Variants in RAI14 observed in about 807,000 individuals in gnomAD.
RAI14 encodes the protein ankycorbin.
RAI14 carries 45 observed loss-of-function variants against 115.4 expected under a neutral mutation model. That is an observed-to-expected ratio of 0.39 (90% confidence interval 0.31 to 0.50). The LOEUF is 0.50. RAI14 is among the 20% of genes least tolerant of loss of function. The pLI is 0.85. For synonymous variants in RAI14, 371 were observed against 415.4 expected, an observed-to-expected ratio of 0.89 and a Z score of 1.30; for missense variants, 939 against 1,131.2, an observed-to-expected ratio of 0.83 and a Z score of 2.44.
chr5:34,755,115 G>A (rs1045516331), intron 2 of RAI14, among the ~76,000 whole-genome samples: 2 of 150,598 alleles, frequency 1.3e-5, no homozygotes, highest in African/African-American at 2.4e-5. Flanking sequence ...CTTGTAAAGT[G>A]CACTCTGGGG....
At chr5:34,824,580 C>A in intron 15 of RAI14, 89 bp downstream of exon 15, 1 of 1,087,288 alleles carries the variant, frequency 9.2e-7, no homozygotes, top group Non-Finnish European at 1.3e-6. Flanking sequence ...AGTGTTGGCA[C>A]TAAACTGGAG....
At chr5:34,807,984 C>T in intron 6 of RAI14, 127 bp downstream of exon 6, 1 of 777,032 alleles carries the variant, frequency 1.3e-6, no homozygotes, top group African/African-American at 1.7e-5. Flanking sequence ...TCTAAACATT[C>T]CCATTTTACT....
At chr5:34,753,523 T>C (rs1747423366) in intron 2 of RAI14, among the ~76,000 whole-genome samples, 1 of 152,100 alleles carries the variant, frequency 6.6e-6, no homozygotes. Context: ...CACACGCCTG[T>C]AATCCCAGCA....
intron 2 of RAI14, among the ~76,000 whole-genome samples, chr5:34,691,002 C>T (rs114898300): frequency 0.059 from 9,043 of 152,158 alleles, 424 homozygotes; most frequent in Non-Finnish European, 0.083. Context: ...ATATAGCTAA[C>T]TAGTTGTTAA....
chr5:34,732,087 A>C (rs1744263802), intron 2 of RAI14, among the ~76,000 whole-genome samples: 1 of 152,216 alleles, frequency 6.6e-6, no homozygotes, highest in African/African-American at 2.4e-5. Flanking sequence ...GGGTGGTCAG[A>C]AAAAGCAGAA....
At chr5:34,829,417 A>G (rs1757799081) in intron 16 of RAI14, among the ~76,000 whole-genome samples, 1 of 152,104 alleles carries the variant, frequency 6.6e-6, no homozygotes, top group African/African-American at 2.4e-5. Flanking sequence ...CAAACTCCTG[A>G]CCTCAAGTGA....
At chr5:34,746,079 T>TC (rs1746150477) in intron 2 of RAI14, among the ~76,000 whole-genome samples, 16 of 96,734 alleles carry the variant, frequency 1.7e-4, no homozygotes, top group African/African-American at 1.8e-4. Context: ...CCTCCCCTTA[T>TC]ACACCACCCC....
intron 13 of RAI14, among the ~76,000 whole-genome samples, chr5:34,820,499 C>T (rs1756712603): frequency 6.6e-6 from 1 of 152,168 alleles, no homozygotes; most frequent in South Asian, 2.1e-4. Flanking sequence ...GTAGTCCCAG[C>T]TACTTGGGAA....
Position 34,814,648 on chromosome 5 carries a change from T to C in RAI14, c.918T>C (p.Phe306=). The change falls in exon 12 of 18, where the codon TTT becomes TTC. Residue 306 remains phenylalanine, a synonymous_variant. Coordinates refer to ENST00000265109, the MANE Select transcript of RAI14 (RefSeq NM_015577.3). ...STPLSGKESV[F]FAEPPFKAEI... The stretch of plus-strand genomic sequence containing the variant: ...CACTATCGGGAAAGGAATCGGTATT[T>C]TTTGCTGAACCACCCTTCAAGGTAT... 1 of 1,612,816 alleles carries C rather than the reference T, an allele frequency of 6.2e-7. No individual in the cohort carries two copies. Among genetic ancestry groups the C allele is most frequent in the South Asian group, 1.1e-5 (1 of 91,050 alleles).
At chr5:34,683,098 C>A (rs1437831025) in intron 1 of RAI14, among the ~76,000 whole-genome samples, 1 of 152,204 alleles carries the variant, frequency 6.6e-6, no homozygotes, top group Non-Finnish European at 1.5e-5. Context: ...ATTCCAGGGG[C>A]CACATTACTT....
chr5:34,788,256 T>C (rs2150183799), intron 3 of RAI14, among the ~76,000 whole-genome samples: 1 of 152,182 alleles, frequency 6.6e-6, no homozygotes, highest in Admixed American at 6.5e-5. Flanking sequence ...TAATTCATAG[T>C]TGTGGGGACC....
intron 2 of RAI14, chr5:34,688,314 A>G (rs1738119674): frequency 1.1e-5 from 16 of 1,420,442 alleles, no homozygotes; most frequent in Non-Finnish European, 1.5e-5. Context: ...GACCAGGTTA[A>G]CAAATGTCTT....
At chr5:34,797,452 G>A (rs1276813641) in intron 4 of RAI14, among the ~76,000 whole-genome samples, 1 of 149,056 alleles carries the variant, frequency 6.7e-6, no homozygotes, top group East Asian at 2.0e-4. Context: ...TTTTTTTTTA[G>A]GGCAAACCTA....
chr5:34,732,880 CAA>C (rs1744381786), intron 2 of RAI14, among the ~76,000 whole-genome samples: 1 of 151,528 alleles, frequency 6.6e-6, no homozygotes, highest in South Asian at 2.1e-4. Context: ...CACCTAGAAA[CAA>C]TGATAATAAG....
chr5:34,822,250 G>GTGTATATATATATA (rs1554012472), intron 14 of RAI14, among the ~76,000 whole-genome samples: 28 of 134,740 alleles, frequency 2.1e-4, no homozygotes, highest in Non-Finnish European at 2.2e-4. Context: ...ATGTGTGTAT[G>GTGTATATATATATA]TATATATATA....
At chr5:34,704,912 T>C (rs1252854480) in intron 2 of RAI14, among the ~76,000 whole-genome samples, 3 of 152,210 alleles carry the variant, frequency 2.0e-5, no homozygotes, top group African/African-American at 7.2e-5. Flanking sequence ...TACATGTGTC[T>C]GTCTAGCATG....
chr5:34,777,877 G>T (rs1247751459), intron 3 of RAI14, among the ~76,000 whole-genome samples: 1 of 151,998 alleles, frequency 6.6e-6, no homozygotes, highest in East Asian at 1.9e-4. Flanking sequence ...TGTGTGGGGG[G>T]GGTGTGGATA....
chr5:34,793,415 G>GA (rs1257849962), intron 3 of RAI14, among the ~76,000 whole-genome samples: 3 of 152,116 alleles, frequency 2.0e-5, no homozygotes, highest in East Asian at 3.9e-4. Flanking sequence ...CCTCAGAGTA[G>GA]AAAAAAATAA....
chr5:34,750,165 T>C (rs1746797529), intron 2 of RAI14, among the ~76,000 whole-genome samples: 1 of 152,068 alleles, frequency 6.6e-6, no homozygotes, highest in African/African-American at 2.4e-5. Flanking sequence ...GTAGGGGGGA[T>C]TTCCTGCCAT....
Sources: allele counts gnomAD v4.1 joint callset (sites outside exome capture counted in the v4.1 genomes callset), GRCh38; gene constraint gnomAD v4.1.1; transcripts MANE v1.5; gene names NCBI Gene and HGNC (gene_info 2026-07-23, HGNC 2026-07-21).